Variants in SPAG16 observed in about 807,000 individuals in gnomAD.
The protein encoded by SPAG16 is sperm associated antigen 16, also known as sperm-associated antigen 16 protein.
Under a neutral mutation model 80.4 loss-of-function variants are expected in SPAG16, and 86 were observed. The observed-to-expected ratio is 1.07, with a 90% CI of 0.90 to 1.28. SPAG16 has a LOEUF of 1.28. SPAG16 is among the 50% of genes most tolerant of loss of function. SPAG16 has a pLI of 0.00. For missense variants in SPAG16, 870 were observed against 765.3 expected, an observed-to-expected ratio of 1.14 and a Z score of -1.61; for synonymous variants, 294 against 265.9, an observed-to-expected ratio of 1.11 and a Z score of -1.03.
intron 8 of SPAG16, among the ~76,000 whole-genome samples, chr2:213,366,991 A>G (rs184555979): frequency 6.6e-6 from 1 of 152,084 alleles, no homozygotes; most frequent in East Asian, 1.9e-4. Context: ...CCTGTGTCCA[A>G]GTGTTCTCAT....
chr2:213,301,350 A>G (rs1459079834), intron 3 of SPAG16, among the ~76,000 whole-genome samples: 1 of 152,160 alleles, frequency 6.6e-6, no homozygotes, highest in Non-Finnish European at 1.5e-5. Context: ...GAAGCCCCAA[A>G]TAAAGTAACA....
intron 10 of SPAG16, among the ~76,000 whole-genome samples, chr2:213,602,013 A>G (rs546032213): frequency 6.6e-6 from 1 of 152,334 alleles, no homozygotes; most frequent in East Asian, 1.9e-4. Flanking sequence ...TGCAGTTCAC[A>G]AAAAGGTTTG....
intron 9 of SPAG16, among the ~76,000 whole-genome samples, chr2:213,431,496 G>GT (rs1268329948): frequency 2.0e-5 from 3 of 146,826 alleles, no homozygotes; most frequent in African/African-American, 8.1e-5. Context: ...ATCAGAAACT[G>GT]TAAAAAAAAA....
At chr2:214,403,289 G>C (rs1306820224) in intron 15 of SPAG16, among the ~76,000 whole-genome samples, 3 of 150,210 alleles carry the variant, frequency 2.0e-5, no homozygotes, top group East Asian at 1.9e-4. Context: ...AAATTTTCTA[G>C]TGGACACATT....
chr2:213,285,467 G>A (rs1019860815), intron 1 of SPAG16, among the ~76,000 whole-genome samples: 1 of 152,186 alleles, frequency 6.6e-6, no homozygotes, highest in African/African-American at 2.4e-5. Flanking sequence ...AGAAAGAGAT[G>A]ATTATCTGTT....
chr2:213,589,267 A>G (rs1367626522), intron 10 of SPAG16, among the ~76,000 whole-genome samples: 2 of 152,214 alleles, frequency 1.3e-5, no homozygotes, highest in East Asian at 3.8e-4. Flanking sequence ...ACAAACAGAA[A>G]TATCTCTACA....
chr2:213,697,883 GCTACCATCCCTTTTTATATAGTC>G, intron 10 of SPAG16, among the ~76,000 whole-genome samples: 1 of 152,200 alleles, frequency 6.6e-6, no homozygotes, highest in Middle Eastern at 3.4e-3. Flanking sequence ...CTCAGCTCTA[GCTACCATCCCTTTTTATATAGTC>G]CTTTTAACAA....
chr2:213,976,107 G>GATATATATATAT (rs1491193427), intron 12 of SPAG16, among the ~76,000 whole-genome samples: 2 of 86,314 alleles, frequency 2.3e-5, no homozygotes, highest in African/African-American at 1.1e-4. Flanking sequence ...GACAGTGAGG[G>GATATATATATAT]AGATATATAT....
chr2:214,291,893 C>T (rs1471291781), intron 15 of SPAG16, among the ~76,000 whole-genome samples: 1 of 152,126 alleles, frequency 6.6e-6, no homozygotes, highest in Admixed American at 6.5e-5. Context: ...TAAATGTTGT[C>T]TTTTCGCTTC....
chr2:213,492,566 C>A (rs1326933595), intron 10 of SPAG16, among the ~76,000 whole-genome samples: 5 of 151,272 alleles, frequency 3.3e-5, no homozygotes, highest in East Asian at 1.9e-4. Flanking sequence ...CAAAAAAAAA[C>A]AACCAAAAGA....
At chr2:213,760,034 C>CA (rs1306019103) in intron 10 of SPAG16, among the ~76,000 whole-genome samples, 18 of 146,338 alleles carry the variant, frequency 1.2e-4, no homozygotes, top group Admixed American at 1.1e-3. Context: ...GACTCTGTCT[C>CA]AAAAAAAGAA....
intron 15 of SPAG16, among the ~76,000 whole-genome samples, chr2:214,297,436 AT>A (rs1417132216): frequency 6.6e-6 from 1 of 151,826 alleles, no homozygotes; most frequent in African/African-American, 2.4e-5. Flanking sequence ...TTTTATATTT[AT>A]TTTTATATTT....
intron 10 of SPAG16, among the ~76,000 whole-genome samples, chr2:213,823,087 C>G (rs1205489921): frequency 6.6e-6 from 1 of 152,174 alleles, no homozygotes; most frequent in Non-Finnish European, 1.5e-5. Context: ...TGAGTATATA[C>G]TCAGCAATGG....
At chr2:213,300,144 A>C (rs891713129) in intron 3 of SPAG16, among the ~76,000 whole-genome samples, 4 of 152,090 alleles carry the variant, frequency 2.6e-5, no homozygotes, top group African/African-American at 9.7e-5. Context: ...AATTTTTATA[A>C]ATGTAGAATT....
At chr2:213,738,763 T>C (rs1179946714) in intron 10 of SPAG16, among the ~76,000 whole-genome samples, 1 of 152,218 alleles carries the variant, frequency 6.6e-6, no homozygotes, top group Non-Finnish European at 1.5e-5. Context: ...TCTCCGTTCT[T>C]TTTTAACACA....
intron 10 of SPAG16, among the ~76,000 whole-genome samples, chr2:213,768,184 G>A (rs2069044540): frequency 6.6e-6 from 1 of 152,106 alleles, no homozygotes; most frequent in Non-Finnish European, 1.5e-5. Context: ...ATTTTAATAT[G>A]GTTTGAGCAT....
At chr2:214,089,606 C>A (rs1220919177) in intron 13 of SPAG16, among the ~76,000 whole-genome samples, 1 of 151,986 alleles carries the variant, frequency 6.6e-6, no homozygotes, top group African/African-American at 2.4e-5. Flanking sequence ...GCCTCTCATT[C>A]TAACCTATAT....
intron 10 of SPAG16, among the ~76,000 whole-genome samples, chr2:213,681,987 G>C (rs532461550): frequency 2.0e-5 from 3 of 152,104 alleles, no homozygotes; most frequent in African/African-American, 7.2e-5. Context: ...ATCTGTTACA[G>C]CTGTCCTCTG....
intron 15 of SPAG16, chr2:214,249,980 A>T (rs1690131745): frequency 6.6e-6 from 1 of 152,186 alleles, no homozygotes; most frequent in South Asian, 2.1e-4. Context: ...TCTTCCAATG[A>T]TGACTCAACA....
Sources: allele counts gnomAD v4.1 joint callset (sites outside exome capture counted in the v4.1 genomes callset), GRCh38; gene constraint gnomAD v4.1.1; transcripts MANE v1.5; gene names NCBI Gene and HGNC (gene_info 2026-07-23, HGNC 2026-07-21).